The following HORMAD1 variants were observed in gnomAD, a reference collection of about 807,000 sequenced individuals.
The protein encoded by HORMAD1 is HORMA domain-containing protein 1.
In HORMAD1, 33 loss-of-function variants were observed where a neutral mutation model predicts 58.2. The ratio of observed to expected loss-of-function variants is 0.57; its 90% CI spans 0.43 to 0.76. The LOEUF is 0.76. Among genes scored for constraint, HORMAD1 ranks in the 30% least tolerant of loss-of-function variants. The pLI is 0.00. For synonymous variants in HORMAD1, 137 were observed against 144.6 expected (o/e 0.95, Z 0.38); for missense variants, 363 against 462.0 (o/e 0.79, Z 1.96).
At chr1:150,716,150 C>CTTTTTTTTT in intron 3 of HORMAD1, among the ~76,000 whole-genome samples, 1 of 68,732 alleles carries the variant, frequency 1.5e-5, no homozygotes, top group African/African-American at 6.7e-5. Flanking sequence ...CAAAGGACCA[C>CTTTTTTTTT]TTTTTTTTTT....
intron 14 of HORMAD1, among the ~76,000 whole-genome samples, chr1:150,699,628 G>A (rs756186223): frequency 6.6e-5 from 10 of 151,366 alleles, no homozygotes; most frequent in South Asian, 2.1e-4. Flanking sequence ...AGGTTCAAGC[G>A]ATTCTCCTGC....
At position 150,704,214 on chromosome 1, in the gene HORMAD1, A is replaced by G; in HGVS notation, c.872-20T>C. ...TTGGTTCTGTAAAAAAAAAAAAAAA[A>G]AGTTACCCGGGTATAAAATTGAGTT... On this transcript the variant is annotated intron_variant, in intron 11 of 14. Transcript: ENST00000361824. 6.5e-6 allele frequency: 10 copies of G among 1,538,220 alleles called. No homozygotes were observed. The highest frequency in any genetic ancestry group is 8.8e-6 in the Non-Finnish European group (10 of 1,130,546).
chr1:150,706,068 A>C (rs1217648690), intron 10 of HORMAD1, among the ~76,000 whole-genome samples: 1 of 152,216 alleles, frequency 6.6e-6, no homozygotes. Flanking sequence ...AGGATGATTA[A>C]AAAGTTGAAT....
chr1:150,709,469 G>A (rs587671609), intron 7 of HORMAD1, among the ~76,000 whole-genome samples: 12 of 151,716 alleles, frequency 7.9e-5, no homozygotes, highest in South Asian at 6.3e-4. Flanking sequence ...AAAAGTCATC[G>A]CCATTCTCTA....
Position 150,705,525 on chromosome 1 carries a change from CAA to C in HORMAD1, c.804+1026_804+1027del, listed in dbSNP as rs201641273. On this transcript the variant is annotated intron_variant, in intron 10 of 14. Coordinates refer to ENST00000361824, the MANE Select transcript of HORMAD1 (RefSeq NM_032132.5). ...GGGCAACAAGAGTGAAACTCTGTCT[CAA>C]AAAAAAAAAAAAGTAATAAACAAAA... Among the ~76,000 whole-genome samples, 64 of 136,436 alleles carry C rather than the reference CAA, an allele frequency of 4.7e-4. 1 individual carries two copies. Among genetic ancestry groups the C allele is most frequent in the Admixed American group, 5.1e-4 (7 of 13,754 alleles). 89.5% of individuals were successfully genotyped at this position (136,436 alleles called of 152,430 possible). A position where few individuals can be genotyped will look rare whatever the true frequency, so the allele number is the denominator to read the frequency against.
At chr1:150,703,257 A>G (rs2101846562) in intron 13 of HORMAD1, 53 bp downstream of exon 13, 4 of 908,088 alleles carry the variant, frequency 4.4e-6, no homozygotes, top group East Asian at 2.6e-5. Context: ...AAACTCACAT[A>G]TGGGGGAGAA....
chr1:150,704,574 C>T (rs1316322802), intron 10 of HORMAD1, among the ~76,000 whole-genome samples: 3 of 151,996 alleles, frequency 2.0e-5, no homozygotes, highest in Non-Finnish European at 4.4e-5. Flanking sequence ...GATGAGACCT[C>T]GTCTCTATGA....
intron 3 of HORMAD1, among the ~76,000 whole-genome samples, chr1:150,716,455 C>A (rs1000422517): frequency 1.3e-4 from 19 of 151,294 alleles, no homozygotes; most frequent in Non-Finnish European, 2.4e-4. Flanking sequence ...CCACTGCACC[C>A]GGCCAGGACC....
intron 10 of HORMAD1, 132 bp downstream of exon 10, chr1:150,706,421 G>A: frequency 1.3e-6 from 1 of 781,510 alleles, no homozygotes; most frequent in East Asian, 2.6e-5. Flanking sequence ...AGACTTTAAG[G>A]TCCCTTTCAA....
Position 150,708,894 on chromosome 1 carries a change from C to T in HORMAD1, c.395G>A (p.Ser132Asn). The T allele has an allele frequency of 7.1e-7, 1 of 1,412,088 alleles. No homozygotes were observed. The highest frequency in any genetic ancestry group is 1.0e-6 in the Non-Finnish European group (1 of 996,628). 87.5% of individuals were successfully genotyped at this position (1,412,088 alleles called of 1,614,324 possible). Residue 132 changes from serine to asparagine, a missense_variant and splice_region_variant, in exon 8 of 15, where the codon AGT (serine) becomes AAT (asparagine). Physicochemically the swap from Ser to Asn is conservative, Grantham distance 46 (BLOSUM62 1). Around this residue, in one of 3 missense-constraint regions of HORMAD1, gnomAD observed 128 missense variants for 171.8 expected, o/e 0.74. Coordinates refer to ENST00000361824, the MANE Select transcript of HORMAD1 (RefSeq NM_032132.5). ...CAAACAGAAAACTATAGAACAATAC[C>T]TTATGAAGTCCATGAGTGGTCCATT... ...TNNGPLMDFI[S>N]KNQSNESSML...
chr1:150,714,024 C>A, intron 5 of HORMAD1, 61 bp downstream of exon 5: 1 of 1,028,712 alleles, frequency 9.7e-7, no homozygotes, highest in South Asian at 1.4e-5. Flanking sequence ...ATCATAACTC[C>A]AGTTATATTT....
chr1:150,708,284 C>G lies in HORMAD1; in HGVS notation c.519G>C (p.Leu173Phe). ...CATCATAGTAAAAAAGTTTCATGGT[C>G]AAACAAACATCATTAGGTAAAGGCC... ...NLGPLPNDVC[L>F]TMKLFYYDEV... Residue 173 changes from leucine to phenylalanine, a missense_variant, in exon 9 of 15, where the codon TTG becomes TTC. Coordinates refer to ENST00000361824, the MANE Select transcript of HORMAD1 (RefSeq NM_032132.5). The G allele has an allele frequency of 6.2e-7, 1 of 1,602,780 alleles. No homozygotes were observed. Among genetic ancestry groups the G allele is most frequent in the Non-Finnish European group, 8.5e-7 (1 of 1,175,110 alleles).
At position 150,706,621 on chromosome 1, in the gene HORMAD1, T is replaced by A; in HGVS notation, c.736A>T (p.Ile246Leu). Residue 246 changes from isoleucine (I) to leucine (L), a missense_variant, in exon 10 of 15, where the codon ATA becomes TTA. Ile to Leu is a conservative substitution (Grantham distance 5). This residue lies in a region of HORMAD1 where 226 missense variants were observed against 257.8 expected (regional missense o/e 0.88). Transcript: ENST00000361824. The stretch of plus-strand genomic sequence containing the variant: ...AGGATTTTTTGAAATGGTGTTTTTA[T>A]TTGTTTTGGTGATAGTATAGTTGAG... ...IDSTILSPKQ[I>L]KTPFQKILRD... 6.2e-7 allele frequency: 1 copy of A among 1,613,412 alleles called. No homozygotes were observed.
chr1:150,704,065 A>T (rs1163484005), intron 12 of HORMAD1, 53 bp downstream of exon 12: 2 of 1,181,666 alleles, frequency 1.7e-6, no homozygotes, highest in Non-Finnish European at 2.4e-6. Context: ...TTAGCGCATA[A>T]GCAACTGTCC....
At chr1:150,707,609 G>A (rs968665265) in intron 9 of HORMAD1, among the ~76,000 whole-genome samples, 2 of 152,142 alleles carry the variant, frequency 1.3e-5, no homozygotes, top group Admixed American at 1.3e-4. Flanking sequence ...CTCTAAAAAT[G>A]TTGCACCTGT....
chr1:150,716,386 TCTTGA>T (rs1652078293), intron 3 of HORMAD1, among the ~76,000 whole-genome samples: 1 of 151,426 alleles, frequency 6.6e-6, no homozygotes, highest in Non-Finnish European at 1.5e-5. Context: ...GGTCTCCATC[TCTTGA>T]CTTTGTGATC....
At chr1:150,704,595 A>G (rs1651634214) in intron 10 of HORMAD1, among the ~76,000 whole-genome samples, 1 of 152,140 alleles carries the variant, frequency 6.6e-6, no homozygotes, top group African/African-American at 2.4e-5. Context: ...AAAAATTTTA[A>G]AAATTAGCCA....
chr1:150,714,051 A>G, intron 5 of HORMAD1, 34 bp downstream of exon 5: 1 of 1,316,478 alleles, frequency 7.6e-7, no homozygotes, highest in African/African-American at 1.5e-5. Flanking sequence ...CATAAACTGT[A>G]GAAAAAAAAG....
In HORMAD1 at chr1:150,700,111, C is replaced by T; in HGVS notation, c.1104+1G>A. On this transcript the variant is annotated splice_donor_variant, in intron 14 of 14. Transcript: ENST00000361824. LOFTEE classifies it high-confidence loss of function. ...AAACTATACATTATCATAAGACTTACTATTCTCCCAGATTCATGTTGACTT... is the reference window on the plus strand; with the variant it reads ...AAACTATACATTATCATAAGACTTATTATTCTCCCAGATTCATGTTGACTT... The T allele has an allele frequency of 3.5e-6, 5 of 1,432,286 alleles. No individual in the cohort carries two copies. Among genetic ancestry groups the T allele is most frequent in the Admixed American group, 1.7e-5 (1 of 59,734 alleles). The allele number at this position is 1,432,286 out of a possible 1,614,324, so 88.7% of individuals were successfully genotyped here.
Sources: gnomAD v4.1 joint callset for allele counts (sites outside exome capture counted in the v4.1 genomes callset) on GRCh38, gnomAD v4.1.1 for gene constraint, gnomAD v4.1.1 regional missense constraint, MANE v1.5 for transcripts, NCBI Gene and HGNC (gene_info 2026-07-23, HGNC 2026-07-21) for gene names.